MAN1A2: variants seen among roughly 807,000 people sequenced by gnomAD.
MAN1A2 encodes mannosidase alpha class 1A member 2, also known as mannosyl-oligosaccharide 1,2-alpha-mannosidase IB.
A neutral mutation model predicts 75.7 loss-of-function variants in MAN1A2; 26 were observed. The ratio of observed to expected loss-of-function variants is 0.34; its 90% confidence interval spans 0.25 to 0.48. MAN1A2 has a LOEUF of 0.48. Among genes scored for constraint, MAN1A2 ranks in the 20% least tolerant of loss-of-function variants. The probability of loss-of-function intolerance (pLI) is 0.99; values close to 1 mark genes in which losing one functional copy is unlikely to be tolerated. For missense variants in MAN1A2, 562 were observed against 775.5 expected, an observed-to-expected ratio of 0.72 and a Z score of 3.27; for synonymous variants, 247 against 264.6, an observed-to-expected ratio of 0.93 and a Z score of 0.65.
Position 117,380,331 on chromosome 1 carries a change from T to C in MAN1A2, c.302+11846T>C, listed in dbSNP as rs191315632. Among the ~76,000 whole-genome samples the C allele has an allele frequency of 4.6e-5, 7 of 152,294 alleles. No individual in the cohort carries two copies. The East Asian group carries it at 1.4e-3, about 29-fold the overall frequency. Reference sequence around the variant, plus strand: ...CTTTGTCCATCTTTTAAATTGGTGGTTATGTCCTTTGCACAAAAGTTTTTA... The same window carrying C: ...CTTTGTCCATCTTTTAAATTGGTGGCTATGTCCTTTGCACAAAAGTTTTTA... On this transcript the variant is annotated intron_variant, in intron 1 of 12. Coordinates refer to ENST00000356554, the MANE Select transcript of MAN1A2 (RefSeq NM_006699.5).
At chr1:117,510,075 GT>G (rs1557979065) in intron 12 of MAN1A2, among the ~76,000 whole-genome samples, 1 of 151,830 alleles carries the variant, frequency 6.6e-6, no homozygotes, top group Non-Finnish European at 1.5e-5. Flanking sequence ...ACTGAGGAAT[GT>G]TTTATAATTT....
At chr1:117,419,314 T>C (rs1287428145) in intron 4 of MAN1A2, among the ~76,000 whole-genome samples, 2 of 152,010 alleles carry the variant, frequency 1.3e-5, no homozygotes, top group African/African-American at 4.8e-5. Flanking sequence ...CAGGGACTGG[T>C]TGGAAGGTTA....
chr1:117,516,258 A>G (rs1256472624), intron 12 of MAN1A2, among the ~76,000 whole-genome samples: 1 of 152,164 alleles, frequency 6.6e-6, no homozygotes, highest in Non-Finnish European at 1.5e-5. Context: ...GAAGAAAAGT[A>G]ACTGATTATT....
Position 117,523,256 on chromosome 1 carries a change from G to A in MAN1A2, c.*299G>A. On this transcript the variant is annotated 3_prime_UTR_variant, in exon 13 of 13. Coordinates refer to ENST00000356554, the MANE Select transcript of MAN1A2 (RefSeq NM_006699.5). ...ACTACTGTATTGTTTTTAGAGTCCT[G>A]AAGTCTGGAGGCTAGACTTCCTGAA... 1 of 523,922 alleles carries A rather than the reference G, an allele frequency of 1.9e-6. No individual in the cohort carries two copies. The highest frequency in any genetic ancestry group is 3.8e-6 in the Non-Finnish European group (1 of 261,802). 32.5% of individuals were successfully genotyped at this position (523,922 alleles called of 1,614,324 possible). A position where few individuals can be genotyped will look rare whatever the true frequency, so the allele number is the denominator to read the frequency against.
intron 12 of MAN1A2, among the ~76,000 whole-genome samples, chr1:117,521,985 G>A (rs2101035458): frequency 6.6e-6 from 1 of 152,002 alleles, no homozygotes; most frequent in East Asian, 1.9e-4. Context: ...AAGCTATGAG[G>A]ACACAAAGGT....
At chr1:117,507,737 CAT>C (rs1355340582) in intron 12 of MAN1A2, among the ~76,000 whole-genome samples, 1 of 151,574 alleles carries the variant, frequency 6.6e-6, no homozygotes, top group African/African-American at 2.4e-5. Flanking sequence ...TTTTAGTTAA[CAT>C]ATGAACTTGT....
At chr1:117,415,982 C>G (rs1352462152) in intron 4 of MAN1A2, among the ~76,000 whole-genome samples, 1 of 152,028 alleles carries the variant, frequency 6.6e-6, no homozygotes, top group Non-Finnish European at 1.5e-5. Flanking sequence ...AGCTATGTAG[C>G]CTTTATACAA....
At chr1:117,464,000 A>G (rs950620385) in intron 7 of MAN1A2, among the ~76,000 whole-genome samples, 2 of 152,184 alleles carry the variant, frequency 1.3e-5, no homozygotes, top group Non-Finnish European at 2.9e-5. Flanking sequence ...TTGTAAAATA[A>G]ACATAATTTA....
At chr1:117,462,935 C>T (rs12565510) in intron 7 of MAN1A2, among the ~76,000 whole-genome samples, 38,084 of 151,718 alleles carry the variant, frequency 0.25, 5,570 homozygotes, top group East Asian at 0.48. Context: ...CAAAGGTGTT[C>T]GTAGTGTTGT....
rs1348234119 is a variant in MAN1A2 at position 117,499,383 on chromosome 1, A to T, written c.1506A>T (p.Ala502=). Reference sequence around the variant, plus strand: ...GTTATTTCTTTTGTCATGTTACAGCATTAAAGCTAGGTCCTGAATCATTCA... The same window carrying T: ...GTTATTTCTTTTGTCATGTTACAGCTTTAAAGCTAGGTCCTGAATCATTCA... The part of the protein sequence containing the change: ...RTCHESYDRT[A]LKLGPESFKF... Residue 502 remains alanine (A), a splice_region_variant and synonymous_variant, in exon 11 of 13, where the codon GCA becomes GCT. Transcript: ENST00000356554. 1 of 1,567,120 alleles carries T rather than the reference A, an allele frequency of 6.4e-7. No individual in the cohort carries two copies. The highest frequency in any genetic ancestry group is 1.4e-5 in the African/African-American group (1 of 72,078).
At chr1:117,411,222 TATGGTTTTAGCATAAGG>T (rs1055963270) in intron 3 of MAN1A2, among the ~76,000 whole-genome samples, 4 of 151,720 alleles carry the variant, frequency 2.6e-5, no homozygotes, top group African/African-American at 9.7e-5. Flanking sequence ...TTCAGGACAG[TATGGTTTTAGCATAAGG>T]ATGGGCATAG....
At chr1:117,431,204 A>G (rs1376239216) in intron 5 of MAN1A2, among the ~76,000 whole-genome samples, 6 of 1,698 alleles carry the variant, frequency 3.5e-3, no homozygotes, top group African/African-American at 5.7e-3. Flanking sequence ...AGGGAGGGGG[A>G]GGGGGAGGGG....
At chr1:117,488,158 T>C (rs1445090670) in intron 8 of MAN1A2, among the ~76,000 whole-genome samples, 1 of 152,032 alleles carries the variant, frequency 6.6e-6, no homozygotes, top group African/African-American at 2.4e-5. Flanking sequence ...GGTGTCCTTT[T>C]AGATATTTAG....
intron 12 of MAN1A2, among the ~76,000 whole-genome samples, chr1:117,511,801 C>T (rs1329500877): frequency 2.0e-5 from 3 of 152,068 alleles, no homozygotes; most frequent in Non-Finnish European, 2.9e-5. Context: ...CTTCATAGCA[C>T]CTATCTTCCA....
In MAN1A2 at chr1:117,525,813, A is replaced by C. The variant is rs1290036213; in HGVS notation, c.*2856A>C. The C allele has an allele frequency of 6.6e-6, 1 of 151,700 alleles. No individual in the cohort carries two copies. Among genetic ancestry groups the C allele is most frequent in the African/African-American group, 2.4e-5 (1 of 41,344 alleles). 9.4% of individuals were successfully genotyped at this position (151,700 alleles called of 1,614,324 possible). Reference sequence around the variant, plus strand: ...GGGCCCTAACCAAAAAGAAGTCTCAACTCAGAAAAATAAGTCCCCAGTCAG... The same window carrying C: ...GGGCCCTAACCAAAAAGAAGTCTCACCTCAGAAAAATAAGTCCCCAGTCAG... On this transcript the variant is annotated 3_prime_UTR_variant, in exon 13 of 13. Transcript: ENST00000356554.
At chr1:117,455,094 T>G (rs1649537910) in intron 6 of MAN1A2, among the ~76,000 whole-genome samples, 1 of 152,164 alleles carries the variant, frequency 6.6e-6, no homozygotes, top group South Asian at 2.1e-4. Context: ...ACAGTTTGAC[T>G]GTTTTTCAAA....
At chr1:117,455,194 GAC>G (rs1347478488) in intron 6 of MAN1A2, among the ~76,000 whole-genome samples, 2 of 152,106 alleles carry the variant, frequency 1.3e-5, no homozygotes, top group Non-Finnish European at 2.9e-5. Flanking sequence ...TAACTGCTGA[GAC>G]ACACAGCAAT....
intron 5 of MAN1A2, among the ~76,000 whole-genome samples, chr1:117,435,403 T>C (rs1648816944): frequency 6.6e-6 from 1 of 152,172 alleles, no homozygotes; most frequent in Non-Finnish European, 1.5e-5. Flanking sequence ...TCGTGAATAA[T>C]AACAAAATGC....
intron 5 of MAN1A2, among the ~76,000 whole-genome samples, chr1:117,426,468 T>A (rs1428625960): frequency 6.6e-6 from 1 of 152,188 alleles, no homozygotes; most frequent in African/African-American, 2.4e-5. Flanking sequence ...TATGTCCTGA[T>A]AAACCCATTG....
Sources: allele counts gnomAD v4.1 joint callset (sites outside exome capture counted in the v4.1 genomes callset), GRCh38; gene constraint gnomAD v4.1.1; transcripts MANE v1.5; gene names NCBI Gene and HGNC (gene_info 2026-07-23, HGNC 2026-07-21).